The following CDH17 variants were observed in gnomAD, a reference collection of about 807,000 sequenced individuals.
CDH17 encodes the protein cadherin 17.
Under a neutral mutation model 86.3 loss-of-function variants are expected in CDH17, and 67 were observed. That is an observed-to-expected ratio of 0.78 (90% CI 0.64 to 0.95). CDH17 has a LOEUF of 0.95. CDH17 is among the 40% of genes least tolerant of loss of function. The pLI is 0.00. For missense variants in CDH17, 993 were observed against 1,017.6 expected, an observed-to-expected ratio of 0.98 and a Z score of 0.33; for synonymous variants, 367 against 366.4, an observed-to-expected ratio of 1.00 and a Z score of -0.02.
rs113896769 is a variant in CDH17, at chr8:94,166,780, A to T, written c.1067-804T>A. ...AGAGATGCACACAGAGGAGGAAATG[A>T]TCTGGAGGAGGAAGCCAGAAGTTGG... On this transcript the variant is annotated intron_variant, in intron 9 of 17. Transcript: ENST00000027335. 6.5e-3 allele frequency among the ~76,000 whole-genome samples: 983 copies of T among 152,282 alleles called. 11 individuals carry two copies. The highest frequency in any genetic ancestry group is 0.022 in the African/African-American group (907 of 41,548).
chr8:94,159,892 G>T, intron 12 of CDH17, 79 bp downstream of exon 12: 1 of 1,125,810 alleles, frequency 8.9e-7, no homozygotes, highest in Non-Finnish European at 1.3e-6. Context: ...CATCACCTCT[G>T]CTTATAGGTC....
Position 94,161,972 on chromosome 8 carries a change from G to C in CDH17, c.1359+114C>G, listed in dbSNP as rs1027230605. 35 of 669,964 alleles carry C rather than the reference G, an allele frequency of 5.2e-5. 1 individual carries two copies. The South Asian group carries it at 5.3e-4, about 10-fold the overall frequency. The allele number at this position is 669,964 out of a possible 1,614,324, so 41.5% of individuals were successfully genotyped here. A position where few individuals can be genotyped will look rare whatever the true frequency, so the allele number is the denominator to read the frequency against. On this transcript the variant is annotated intron_variant, in intron 11 of 17. Transcript: ENST00000027335. ...CTGGGTTATTTGTGCACTGACCAAG[G>C]TTACCTGTTAAGTCTGGCACTTTTC...
At chr8:94,192,585 A>G (rs1306319440) in intron 2 of CDH17, among the ~76,000 whole-genome samples, 3 of 152,142 alleles carry the variant, frequency 2.0e-5, no homozygotes, top group African/African-American at 7.2e-5. Context: ...TCTTAACCAC[A>G]TTGTTACTGC....
At chr8:94,141,785 C>T (rs1383002624) in intron 15 of CDH17, among the ~76,000 whole-genome samples, 2 of 152,100 alleles carry the variant, frequency 1.3e-5, no homozygotes, top group Non-Finnish European at 2.9e-5. Flanking sequence ...CTTAATATAT[C>T]AATTCTCCTC....
At chr8:94,160,432 T>G (rs1391741699) in intron 11 of CDH17, among the ~76,000 whole-genome samples, 2 of 152,226 alleles carry the variant, frequency 1.3e-5, no homozygotes, top group African/African-American at 4.8e-5. Context: ...ATCCAATTTG[T>G]TTAATAACTT....
rs926497232 is a variant in CDH17 at position 94,171,780 on chromosome 8, G to C, written c.784-795C>G. 3.9e-5 allele frequency among the ~76,000 whole-genome samples: 6 copies of C among 152,236 alleles called. No homozygotes were observed. The East Asian group carries it at 1.2e-3, about 29-fold the overall frequency. ...CAAAAAATTTAAGCGACTTGCCCAAGGTCCTACTGCTAGTTGAAATTTCCA... is the reference window on the plus strand; with the variant it reads ...CAAAAAATTTAAGCGACTTGCCCAACGTCCTACTGCTAGTTGAAATTTCCA... On this transcript the variant is annotated intron_variant, in intron 7 of 17. Transcript: ENST00000027335.
chr8:94,212,506 T>TA (rs1432378319), upstream of CDH17, among the ~76,000 whole-genome samples: 1 of 151,750 alleles, frequency 6.6e-6, no homozygotes, highest in African/African-American at 2.4e-5. Flanking sequence ...TGAGTTTTTT[T>TA]TTTTTGGCAG....
At chr8:94,188,146 A>AT (rs1465640510) in intron 3 of CDH17, among the ~76,000 whole-genome samples, 1 of 152,172 alleles carries the variant, frequency 6.6e-6, no homozygotes, top group Non-Finnish European at 1.5e-5. Flanking sequence ...GAAGGCCCTT[A>AT]TATAAAGTGG....
At chr8:94,196,436 GGTTCACATCCAGAAGCCC>G (rs1813786773) in intron 1 of CDH17, among the ~76,000 whole-genome samples, 1 of 152,146 alleles carries the variant, frequency 6.6e-6, no homozygotes, top group Non-Finnish European at 1.5e-5. Context: ...GGGAAACAAT[GGTTCACATCCAGAAGCCC>G]AGCACTTTGG....
intron 11 of CDH17, 129 bp downstream of exon 11, chr8:94,161,957 T>G (rs72670346): frequency 0.3 from 182,515 of 605,374 alleles, 28,515 homozygotes; most frequent in Middle Eastern, 0.33. Flanking sequence ...CTGGGTTATT[T>G]GTGCACTGAC....
intron 2 of CDH17, among the ~76,000 whole-genome samples, chr8:94,194,066 G>C (rs1160160393): frequency 1.3e-5 from 2 of 152,014 alleles, no homozygotes; most frequent in East Asian, 3.8e-4. Flanking sequence ...GGCACCTACT[G>C]TTTACCCCAA....
intron 3 of CDH17, among the ~76,000 whole-genome samples, chr8:94,183,265 C>T (rs1813515812): frequency 6.6e-6 from 1 of 152,086 alleles, no homozygotes; most frequent in African/African-American, 2.4e-5. Flanking sequence ...TCCTAAAATT[C>T]ATATGGAACT....
intron 3 of CDH17, 54 bp downstream of exon 3, chr8:94,189,133 T>C: frequency 8.3e-7 from 1 of 1,205,558 alleles, no homozygotes; most frequent in Non-Finnish European, 1.2e-6. Context: ...GAAGTAAAAG[T>C]CCACCAAGAG....
intron 15 of CDH17, among the ~76,000 whole-genome samples, chr8:94,135,711 T>G (rs1480686039): frequency 6.6e-6 from 1 of 152,176 alleles, no homozygotes; most frequent in African/African-American, 2.4e-5. Flanking sequence ...GTTAGCTGGT[T>G]ATTTTGCCTG....
At chr8:94,138,078 T>A (rs1385474443) in intron 15 of CDH17, among the ~76,000 whole-genome samples, 2 of 152,136 alleles carry the variant, frequency 1.3e-5, no homozygotes, top group Admixed American at 1.3e-4. Context: ...CCACCTTTTT[T>A]AAAATAGAAA....
At chr8:94,169,244 G>A (rs1813222779) in intron 9 of CDH17, among the ~76,000 whole-genome samples, 1 of 152,120 alleles carries the variant, frequency 6.6e-6, no homozygotes, top group Non-Finnish European at 1.5e-5. Context: ...TTACACTACT[G>A]TGACTGTGAG....
At chr8:94,144,816 A>G (rs1479936104) in intron 15 of CDH17, among the ~76,000 whole-genome samples, 1 of 152,224 alleles carries the variant, frequency 6.6e-6, no homozygotes, top group Non-Finnish European at 1.5e-5. Flanking sequence ...CAACTCAGCA[A>G]TAGAATCCAA....
intron 1 of CDH17, among the ~76,000 whole-genome samples, chr8:94,214,974 T>C (rs998082993): frequency 1.3e-5 from 2 of 152,148 alleles, no homozygotes; most frequent in African/African-American, 4.8e-5. Context: ...ACAGCTATAA[T>C]AAAAAAGAGA....
intron 17 of CDH17, 96 bp from the exon 18 acceptor site, chr8:94,128,436 T>C (rs1812346022): frequency 1.3e-6 from 1 of 753,618 alleles, no homozygotes; most frequent in East Asian, 2.6e-5. Context: ...AAAAAATGAC[T>C]CAACTTCATT....
Sources: allele counts gnomAD v4.1 joint callset (sites outside exome capture counted in the v4.1 genomes callset), GRCh38; gene constraint gnomAD v4.1.1; transcripts MANE v1.5; gene names NCBI Gene and HGNC (gene_info 2026-07-23, HGNC 2026-07-21).